RALGAPA2: variants seen among roughly 807,000 people sequenced by gnomAD.
RALGAPA2 encodes Ral GTPase activating protein catalytic subunit alpha 2.
In RALGAPA2, 139 loss-of-function variants were observed where a neutral mutation model predicts 230.4. The observed-to-expected ratio is 0.60, with a 90% CI of 0.53 to 0.69. RALGAPA2 has a LOEUF of 0.69. RALGAPA2 is among the 30% of genes least tolerant of loss of function. The pLI, the probability that RALGAPA2 is intolerant of heterozygous loss-of-function variation, is 0.00. For missense variants in RALGAPA2, 2,163 were observed against 2,276.0 expected, an observed-to-expected ratio of 0.95 and a Z score of 1.01; for synonymous variants, 847 against 837.8, an observed-to-expected ratio of 1.01 and a Z score of -0.19.
At chr20:20,470,250 G>T (rs2061509046) in intron 37 of RALGAPA2, among the ~76,000 whole-genome samples, 1 of 152,150 alleles carries the variant, frequency 6.6e-6, no homozygotes, top group African/African-American at 2.4e-5. Flanking sequence ...AATTAGAAAT[G>T]TTTCATTTTC....
Position 20,620,519 on chromosome 20 carries a change from C to T in RALGAPA2, c.1345G>A (p.Asp449Asn). 1 of 1,613,964 alleles carries T rather than the reference C, an allele frequency of 6.2e-7. No individual in the cohort carries two copies. The highest frequency in any genetic ancestry group is 8.5e-7 in the Non-Finnish European group (1 of 1,179,838). ...PVFMEEPDRKDVAQEDAEKLG... is the reference protein window; with the variant it reads ...PVFMEEPDRKNVAQEDAEKLG... ...TTTTCAGCATCTTCTTGGGCAACATCTTTTCTATCTGGCTCCTCCATGAAC... is the reference window on the plus strand; with the variant it reads ...TTTTCAGCATCTTCTTGGGCAACATTTTTTCTATCTGGCTCCTCCATGAAC... Residue 449 changes from aspartate to asparagine, a missense_variant, in exon 11 of 40, where the codon GAT becomes AAT. By Grantham distance (23) the Asp-to-Asn change is conservative (BLOSUM62 1). Coordinates refer to ENST00000202677, the MANE Select transcript of RALGAPA2 (RefSeq NM_020343.4).
intron 1 of RALGAPA2, among the ~76,000 whole-genome samples, chr20:20,697,165 T>C (rs574831356): frequency 2.0e-5 from 3 of 152,302 alleles, no homozygotes; most frequent in East Asian, 3.9e-4. Context: ...GTCTAAGCTA[T>C]GTAGACTTAA....
chr20:20,648,648 G>C (rs975738753), intron 4 of RALGAPA2, among the ~76,000 whole-genome samples: 1 of 152,124 alleles, frequency 6.6e-6, no homozygotes, highest in African/African-American at 2.4e-5. Context: ...AAGCCATTGA[G>C]GCACAGAGGA....
At chr20:20,550,606 C>T (rs1419958185) in intron 23 of RALGAPA2, among the ~76,000 whole-genome samples, 2 of 152,170 alleles carry the variant, frequency 1.3e-5, no homozygotes, top group South Asian at 2.1e-4. Flanking sequence ...TAGTGAGAAA[C>T]GGCCCTGCAC....
At chr20:20,585,040 A>G in intron 18 of RALGAPA2, 85 bp from the exon 19 acceptor site, 2 of 710,790 alleles carry the variant, frequency 2.8e-6, no homozygotes, top group South Asian at 4.4e-5. Context: ...ATTTCTAAAG[A>G]AAAAGAAACA....
In RALGAPA2 at chr20:20,503,466, T is replaced by C. The variant is rs777204872; in HGVS notation, c.5093A>G (p.Gln1698Arg). The C allele has an allele frequency of 1.2e-6, 2 of 1,604,236 alleles. No individual in the cohort carries two copies. Among genetic ancestry groups the C allele is most frequent in the Non-Finnish European group, 1.7e-6 (2 of 1,175,708 alleles). Residue 1698 changes from glutamine (Q) to arginine (R), a missense_variant, in exon 35 of 40, where the codon CAG becomes CGG. Transcript: ENST00000202677. ...STHCGFMGGL[Q>R]RNGSTGQTAP... ...CGTCTGCCCGGTGCTGCCATTGCGC[T>C]GAAGGCCACCCATGAACCCACAGTG...
chr20:20,518,454 C>T (rs1165024614), intron 31 of RALGAPA2, among the ~76,000 whole-genome samples: 2 of 152,214 alleles, frequency 1.3e-5, no homozygotes, highest in Non-Finnish European at 2.9e-5. Context: ...ACCTAAAATA[C>T]CCACGCTATC....
At chr20:20,485,021 G>A (rs79490482) in intron 36 of RALGAPA2, among the ~76,000 whole-genome samples, 1,983 of 152,114 alleles carry the variant, frequency 0.013, 23 homozygotes, top group Non-Finnish European at 0.021. Flanking sequence ...ACACAAATTC[G>A]GAACTTTCTT....
intron 3 of RALGAPA2, among the ~76,000 whole-genome samples, chr20:20,675,237 G>C (rs2068277428): frequency 6.6e-6 from 1 of 152,168 alleles, no homozygotes; most frequent in East Asian, 1.9e-4. Flanking sequence ...CTCTGGGAAA[G>C]GAGTATAGCT....
rs568401714 is a variant in RALGAPA2, at chr20:20,406,167, T to C, written c.5617+5860A>G. Among the ~76,000 whole-genome samples the C allele has an allele frequency of 1.4e-4, 21 of 152,254 alleles. No homozygotes were observed. In the South Asian group the frequency reaches 4.1e-3, roughly 30 times the overall value. On this transcript the variant is annotated intron_variant, in intron 38 of 39. Transcript: ENST00000202677. ...GCACGTTAAAATACCCTCAGTTTTTTCTTTTTTTTCTTTTTTAAAATTCCA... is the reference window on the plus strand; with the variant it reads ...GCACGTTAAAATACCCTCAGTTTTTCCTTTTTTTTCTTTTTTAAAATTCCA...
At chr20:20,631,571 T>C (rs1427617925) in intron 9 of RALGAPA2, among the ~76,000 whole-genome samples, 17 of 152,184 alleles carry the variant, frequency 1.1e-4, no homozygotes, top group Non-Finnish European at 8.8e-5. Context: ...GGAATACAGG[T>C]GGCTTCTAGA....
intron 1 of RALGAPA2, among the ~76,000 whole-genome samples, chr20:20,699,009 T>C (rs755064415): frequency 9.9e-5 from 15 of 152,246 alleles, no homozygotes; most frequent in Admixed American, 5.2e-4. Context: ...TTTATATATT[T>C]AGATTACTAG....
chr20:20,615,812 T>C (rs988500917), intron 13 of RALGAPA2, among the ~76,000 whole-genome samples: 1 of 152,154 alleles, frequency 6.6e-6, no homozygotes, highest in Admixed American at 6.5e-5. Context: ...AAATCCACTA[T>C]TAAGTAAAAT....
chr20:20,630,733 T>C (rs1049120453), intron 9 of RALGAPA2, among the ~76,000 whole-genome samples: 4 of 152,076 alleles, frequency 2.6e-5, no homozygotes, highest in South Asian at 2.1e-4. Flanking sequence ...CCAAACTAAG[T>C]CTCAAAAACT....
chr20:20,652,687 T>A (rs1329038629), intron 4 of RALGAPA2, among the ~76,000 whole-genome samples: 1 of 152,194 alleles, frequency 6.6e-6, no homozygotes, highest in Non-Finnish European at 1.5e-5. Flanking sequence ...AAGGAGACAC[T>A]GTTTAAAACG....
rs753951151 is a variant in RALGAPA2, at chr20:20,621,460, C to CT, written c.1234-831dup. ...TCTGTTACAAATCAGGACTTTGTTT[C>CT]TTTTTTTTTTTTTCCTTTTCTTTGC... On this transcript the variant is annotated intron_variant, in intron 10 of 39. Transcript: ENST00000202677. 9.9e-3 allele frequency among the ~76,000 whole-genome samples: 1,400 copies of CT among 141,226 alleles called. 14 individuals carry two copies. Among genetic ancestry groups the CT allele is most frequent in the African/African-American group, 0.03 (1,167 of 38,848 alleles). The allele number at this position is 141,226 out of a possible 152,430, so 92.6% of individuals were successfully genotyped here.
At chr20:20,410,219 C>T (rs1012575898) in intron 38 of RALGAPA2, among the ~76,000 whole-genome samples, 1 of 152,184 alleles carries the variant, frequency 6.6e-6, no homozygotes, top group African/African-American at 2.4e-5. Flanking sequence ...GAATCTCACT[C>T]ATTTCTATTG....
At chr20:20,682,061 A>AT (rs1193876990) in intron 1 of RALGAPA2, among the ~76,000 whole-genome samples, 3 of 152,224 alleles carry the variant, frequency 2.0e-5, no homozygotes, top group Non-Finnish European at 4.4e-5. Context: ...GTTAGCAATA[A>AT]TGCAGATGAT....
chr20:20,541,061 T>TG (rs1402198522), intron 24 of RALGAPA2, among the ~76,000 whole-genome samples: 2 of 151,176 alleles, frequency 1.3e-5, no homozygotes, highest in African/African-American at 4.9e-5. Context: ...AGGAGAATTT[T>TG]TTTTTTTTTT....
Sources: gnomAD v4.1 joint callset for allele counts (sites outside exome capture counted in the v4.1 genomes callset) on GRCh38, gnomAD v4.1.1 for gene constraint, MANE v1.5 for transcripts, NCBI Gene and HGNC (gene_info 2026-07-23, HGNC 2026-07-21) for gene names.